OSBPL10: variants seen among roughly 807,000 people sequenced by gnomAD.
The protein encoded by OSBPL10 is oxysterol binding protein like 10, also known as oxysterol-binding protein-related protein 10.
A neutral mutation model predicts 81.7 loss-of-function variants in OSBPL10; 49 were observed. The ratio of observed to expected loss-of-function variants is 0.60; its 90% CI spans 0.48 to 0.76. OSBPL10 has a LOEUF of 0.76. OSBPL10 is among the 30% of genes least tolerant of loss of function. The pLI is 0.00. For synonymous variants in OSBPL10, 419 were observed against 383.6 expected (o/e 1.09, Z -1.08); for missense variants, 923 against 987.8 (o/e 0.93, Z 0.88).
intron 6 of OSBPL10, among the ~76,000 whole-genome samples, chr3:31,711,337 G>A (rs773461673): frequency 6.6e-5 from 10 of 152,168 alleles, no homozygotes; most frequent in Non-Finnish European, 5.9e-5. Context: ...TACAAATCTG[G>A]GGAGAAAGAA....
At chr3:31,989,539 C>A (rs1698993870) in intron 2 of OSBPL10, 1 of 1,614,190 alleles carries the variant, frequency 6.2e-7, no homozygotes, top group African/African-American at 1.3e-5. Context: ...TATCAAAGAT[C>A]AGCTTGGATT....
intron 4 of OSBPL10, among the ~76,000 whole-genome samples, chr3:31,773,140 T>C (rs1237182239): frequency 6.6e-6 from 1 of 152,210 alleles, no homozygotes; most frequent in Non-Finnish European, 1.5e-5. Flanking sequence ...AAGTTTCATA[T>C]GCACTATAGA....
intron 3 of OSBPL10, among the ~76,000 whole-genome samples, chr3:31,832,238 T>C (rs6796308): frequency 0.069 from 10,508 of 152,250 alleles, 779 homozygotes; most frequent in East Asian, 0.44. Context: ...GAAGGATACA[T>C]ATAAAACTAT....
chr3:32,075,421 C>T (rs762873313), intron 1 of OSBPL10, among the ~76,000 whole-genome samples: 12 of 152,200 alleles, frequency 7.9e-5, no homozygotes, highest in Admixed American at 2.0e-4. Flanking sequence ...AATTGGATGT[C>T]CTGGGTACTC....
chr3:31,706,159 C>T (rs1051238249), intron 6 of OSBPL10, among the ~76,000 whole-genome samples: 6 of 152,226 alleles, frequency 3.9e-5, no homozygotes, highest in Middle Eastern at 3.4e-3. Flanking sequence ...ATGGGGAGAA[C>T]GATAAGCGAA....
intron 7 of OSBPL10, among the ~76,000 whole-genome samples, chr3:31,686,301 T>G (rs377437270): frequency 6.6e-6 from 1 of 152,192 alleles, no homozygotes; most frequent in Non-Finnish European, 1.5e-5. Context: ...CAGAGAGAGA[T>G]AGGCAGACAT....
intron 8 of OSBPL10, among the ~76,000 whole-genome samples, chr3:31,672,095 T>C (rs1700336901): frequency 6.6e-6 from 1 of 151,906 alleles, no homozygotes; most frequent in Non-Finnish European, 1.5e-5. Context: ...ACCGGCACCT[T>C]CCTGGGCTTC....
chr3:31,808,482 A>G (rs1191353815), intron 4 of OSBPL10, among the ~76,000 whole-genome samples: 1 of 152,240 alleles, frequency 6.6e-6, no homozygotes, highest in Non-Finnish European at 1.5e-5. Context: ...AGTGTCCTGG[A>G]AATAATATGA....
chr3:31,897,429 G>A (rs77933389), intron 1 of OSBPL10, among the ~76,000 whole-genome samples: 61 of 152,262 alleles, frequency 4.0e-4, no homozygotes, highest in African/African-American at 1.4e-3. Context: ...TCCTTCCACA[G>A]CGGTTCCACA....
chr3:32,038,147 G>C (rs984925818), intron 2 of OSBPL10, among the ~76,000 whole-genome samples: 1 of 151,994 alleles, frequency 6.6e-6, no homozygotes, highest in East Asian at 1.9e-4. Flanking sequence ...AGAGCCCTTA[G>C]AAAGATGTGG....
chr3:31,948,367 T>A (rs1697763039), intron 1 of OSBPL10, among the ~76,000 whole-genome samples: 1 of 152,190 alleles, frequency 6.6e-6, no homozygotes, highest in African/African-American at 2.4e-5. Flanking sequence ...GTTGAGCACC[T>A]CTGAAAAGCC....
At chr3:31,700,024 A>G (rs1273846513) in intron 7 of OSBPL10, among the ~76,000 whole-genome samples, 4 of 152,232 alleles carry the variant, frequency 2.6e-5, no homozygotes, top group African/African-American at 7.2e-5. Context: ...CCTTTTTATA[A>G]TACAGGGCAA....
At chr3:31,752,065 G>T (rs928816478) in intron 4 of OSBPL10, among the ~76,000 whole-genome samples, 1 of 152,134 alleles carries the variant, frequency 6.6e-6, no homozygotes, top group Non-Finnish European at 1.5e-5. Context: ...CCGAAAGGCT[G>T]AATGCACCAA....
chr3:31,947,929 T>G (rs1697748303), intron 1 of OSBPL10, among the ~76,000 whole-genome samples: 1 of 151,296 alleles, frequency 6.6e-6, no homozygotes, highest in Non-Finnish European at 1.5e-5. Flanking sequence ...TGAAGTAAAC[T>G]GTACAAAGTT....
At chr3:31,789,169 G>T (rs916658028) in intron 4 of OSBPL10, among the ~76,000 whole-genome samples, 4 of 152,082 alleles carry the variant, frequency 2.6e-5, no homozygotes, top group Non-Finnish European at 5.9e-5. Context: ...AGTAGAGAGG[G>T]GTTTCACCAT....
At chr3:32,060,449 T>G (rs1699747094) in intron 1 of OSBPL10, among the ~76,000 whole-genome samples, 1 of 152,210 alleles carries the variant, frequency 6.6e-6, no homozygotes. Flanking sequence ...CCTGCTTAAA[T>G]GCTCATATAC....
At chr3:31,777,693 G>A (rs1223101639) in intron 4 of OSBPL10, among the ~76,000 whole-genome samples, 1 of 152,182 alleles carries the variant, frequency 6.6e-6, no homozygotes, top group Non-Finnish European at 1.5e-5. Flanking sequence ...TAAAAACTGA[G>A]TTCCCAAAGT....
At chr3:31,971,273 TG>T (rs1206914259) in intron 1 of OSBPL10, among the ~76,000 whole-genome samples, 1 of 152,008 alleles carries the variant, frequency 6.6e-6, no homozygotes, top group Non-Finnish European at 1.5e-5. Context: ...CCCAAGTAGC[TG>T]GGATTACGGG....
intron 4 of OSBPL10, among the ~76,000 whole-genome samples, chr3:31,785,151 C>A (rs1290113853): frequency 6.6e-6 from 1 of 152,184 alleles, no homozygotes; most frequent in Non-Finnish European, 1.5e-5. Context: ...TCCCAAAGTG[C>A]CGGGATTACA....
Sources: allele counts gnomAD v4.1 joint callset (sites outside exome capture counted in the v4.1 genomes callset), GRCh38; gene constraint gnomAD v4.1.1; transcripts MANE v1.5; gene names NCBI Gene and HGNC (gene_info 2026-07-23, HGNC 2026-07-21).